PCDHA8: variants seen among roughly 807,000 people sequenced by gnomAD.
The protein encoded by PCDHA8 is protocadherin alpha-8.
A neutral mutation model predicts 61.8 loss-of-function variants in PCDHA8; 53 were observed. That is an observed-to-expected ratio of 0.86 (90% CI 0.69 to 1.08). The LOEUF (loss-of-function observed/expected upper bound fraction) is 1.08. PCDHA8 is among the 50% of genes least tolerant of loss of function. The pLI is 0.00. For synonymous variants in PCDHA8, 618 were observed against 556.6 expected (o/e 1.11, Z -1.55); for missense variants, 1,293 against 1,245.0 (o/e 1.04, Z -0.58).
At chr5:140,858,624 G>T (rs112932902) in intron 1 of PCDHA8, 7 of 1,115,778 alleles carry the variant, frequency 6.3e-6, no homozygotes, top group African/African-American at 4.7e-5. Context: ...CCTACCCAGT[G>T]TGTCAGCCTT....
intron 1 of PCDHA8, chr5:140,867,094 A>T (rs1289520469): frequency 6.6e-6 from 1 of 152,180 alleles, no homozygotes; most frequent in Admixed American, 6.5e-5. Flanking sequence ...GTTGGAAATT[A>T]ACACCTAAAT....
intron 1 of PCDHA8, chr5:140,875,402 C>A: frequency 6.7e-7 from 1 of 1,488,874 alleles, no homozygotes; most frequent in Admixed American, 2.6e-5. Flanking sequence ...AGGGTGACTG[C>A]TCATAAAATA....
At chr5:140,898,366 A>G (rs1401153740) in intron 1 of PCDHA8, among the ~76,000 whole-genome samples, 1 of 152,132 alleles carries the variant, frequency 6.6e-6, no homozygotes, top group Non-Finnish European at 1.5e-5. Flanking sequence ...TAATTTTTGT[A>G]TAAGGTGTAA....
chr5:140,985,394 A>C (rs2097150028), intron 3 of PCDHA8, among the ~76,000 whole-genome samples: 1 of 152,084 alleles, frequency 6.6e-6, no homozygotes, highest in South Asian at 2.1e-4. Context: ...AGTCACCCCA[A>C]CTGTTCCCCT....
At chr5:140,912,897 G>T (rs782442093) in intron 1 of PCDHA8, among the ~76,000 whole-genome samples, 1 of 152,290 alleles carries the variant, frequency 6.6e-6, no homozygotes, top group East Asian at 1.9e-4. Context: ...TTGATATGAT[G>T]TATCATATTG....
intron 1 of PCDHA8, chr5:140,883,818 T>A (rs1349664661): frequency 6.2e-7 from 1 of 1,612,072 alleles, no homozygotes; most frequent in African/African-American, 1.3e-5. Flanking sequence ...AGCGGCAAGG[T>A]GTACGCGCTG....
intron 1 of PCDHA8, among the ~76,000 whole-genome samples, chr5:140,913,322 T>G (rs1348973730): frequency 6.6e-6 from 1 of 152,190 alleles, no homozygotes; most frequent in Non-Finnish European, 1.5e-5. Context: ...GTAAGTTGTA[T>G]GTGTCTAGGA....
chr5:140,880,970 C>A (rs2058546777), intron 1 of PCDHA8, among the ~76,000 whole-genome samples: 1 of 152,070 alleles, frequency 6.6e-6, no homozygotes, highest in South Asian at 2.1e-4. Context: ...TAAGAGAATA[C>A]CAAATACTCT....
chr5:141,009,820 CT>C lies in PCDHA8; in HGVS notation c.2738del (p.Phe913SerfsTer2). On this transcript the variant is annotated frameshift_variant, in exon 4 of 4. Transcript: ENST00000531613. LOFTEE classifies it high-confidence loss of function. ...CTAACAGCCAAATTGACAAAAGTGACTTCATAACCTTCGGCAAAAAGGAGGA... is the reference window on the plus strand; with the variant it reads ...CTAACAGCCAAATTGACAAAAGTGACTCATAACCTTCGGCAAAAAGGAGGA... ...PTNSQIDKSDFITFGKKEETK... is the reference protein window; with the variant it reads ...PTNSQIDKSDXITFGKKEETK... 6.2e-7 allele frequency: 1 copy of C among 1,613,960 alleles called. No individual in the cohort carries two copies. Among genetic ancestry groups the C allele is most frequent in the Non-Finnish European group, 8.5e-7 (1 of 1,179,996 alleles).
rs1554142981 is a variant in PCDHA8, at chr5:140,849,496, G to A, written c.2394+5781G>A. The A allele has an allele frequency of 6.3e-7, 1 of 1,593,496 alleles. No individual in the cohort carries two copies. Among genetic ancestry groups the A allele is most frequent in the South Asian group, 1.1e-5 (1 of 90,348 alleles). ...GGCTTCCCACCCCTGGCTGGTCATT[G>A]TACACTTCTTGTGGAAGTTGTGGAT... is the stretch of plus-strand genomic sequence containing the variant. On this transcript the variant is annotated intron_variant, in intron 1 of 3. Coordinates refer to ENST00000531613, the MANE Select transcript of PCDHA8 (RefSeq NM_018911.3).
intron 1 of PCDHA8, among the ~76,000 whole-genome samples, chr5:140,976,553 A>G (rs1554237789): frequency 1.3e-5 from 2 of 152,074 alleles, no homozygotes; most frequent in Non-Finnish European, 2.9e-5. Context: ...CCTATCTCAT[A>G]AATAAATAAA....
chr5:140,975,120 C>T (rs2096654332), intron 1 of PCDHA8, among the ~76,000 whole-genome samples: 1 of 152,140 alleles, frequency 6.6e-6, no homozygotes, highest in African/African-American at 2.4e-5. Flanking sequence ...TGTTTTCCTA[C>T]TTACTATTGG....
rs1291413682 is a variant in PCDHA8, at chr5:140,856,005, C to G, written c.2394+12290C>G. ...GAAAATGTCAGATCGTATGTGCGTT[C>G]TAGACCGCTGATTCGTCGATTTGTA... is the stretch of plus-strand genomic sequence containing the variant. On this transcript the variant is annotated intron_variant, in intron 1 of 3. Coordinates refer to ENST00000531613, the MANE Select transcript of PCDHA8 (RefSeq NM_018911.3). 6.5e-6 allele frequency: 10 copies of G among 1,538,764 alleles called. 3 individuals carry two copies. In the African/African-American group the frequency reaches 1.4e-4, roughly 21 times the overall value.
At chr5:140,942,679 G>T (rs549826522) in intron 1 of PCDHA8, among the ~76,000 whole-genome samples, 8 of 151,904 alleles carry the variant, frequency 5.3e-5, no homozygotes, top group Non-Finnish European at 8.8e-5. Flanking sequence ...AAAGTTTTAG[G>T]AATAACTTTA....
intron 1 of PCDHA8, chr5:140,878,010 A>G: frequency 2.4e-6 from 2 of 839,980 alleles, no homozygotes; most frequent in Non-Finnish European, 3.4e-6. Flanking sequence ...GTCTAACATT[A>G]ATGAAGGAAA....
chr5:140,954,698 A>C (rs185399105), intron 1 of PCDHA8, among the ~76,000 whole-genome samples: 5 of 152,208 alleles, frequency 3.3e-5, no homozygotes, highest in African/African-American at 1.2e-4. Context: ...TAGACTACAA[A>C]ATTTTTCTCC....
At chr5:140,993,795 C>T (rs1301191394) in intron 3 of PCDHA8, among the ~76,000 whole-genome samples, 2 of 152,128 alleles carry the variant, frequency 1.3e-5, no homozygotes, top group African/African-American at 2.4e-5. Flanking sequence ...ACATGCTGTG[C>T]AGGTTTGTAG....
chr5:140,847,382 C>T (rs2150399833), intron 1 of PCDHA8: 1 of 149,622 alleles, frequency 6.7e-6, no homozygotes, highest in South Asian at 2.1e-4. Context: ...GATAAATATG[C>T]AAAAACATTA....
chr5:140,881,679 A>G (rs2058790767), intron 1 of PCDHA8, among the ~76,000 whole-genome samples: 1 of 152,220 alleles, frequency 6.6e-6, no homozygotes, highest in Non-Finnish European at 1.5e-5. Flanking sequence ...TGTGATTGTT[A>G]TGTTTCCTTT....
Sources: gnomAD v4.1 joint callset for allele counts (sites outside exome capture counted in the v4.1 genomes callset) on GRCh38, gnomAD v4.1.1 for gene constraint, MANE v1.5 for transcripts, NCBI Gene and HGNC (gene_info 2026-07-23, HGNC 2026-07-21) for gene names.